POTEE: variants seen among roughly 807,000 people sequenced by gnomAD.
The protein encoded by POTEE is ANKRD26-like family C member 1A.
A neutral mutation model predicts 74.2 loss-of-function variants in POTEE; 21 were observed. The ratio of observed to expected loss-of-function variants is 0.28; its 90% CI spans 0.20 to 0.41. The LOEUF (loss-of-function observed/expected upper bound fraction) is 0.41. Ranked by LOEUF, POTEE falls within the 10% of genes least tolerant of loss-of-function variation. POTEE has a pLI of 1.00. For synonymous variants in POTEE, 211 were observed against 432.8 expected (o/e 0.49, Z 6.36); for missense variants, 525 against 1,158.6 (o/e 0.45, Z 7.94).
rs1701802719 is a variant in POTEE, at chr2:131,263,790, T to C, written c.2335T>C (p.Trp779Arg). 2 of 1,613,506 alleles carry C rather than the reference T, an allele frequency of 1.2e-6. No homozygotes were observed. The highest frequency in any genetic ancestry group is 2.7e-5 in the African/African-American group (2 of 74,858). Reference protein sequence around the residue: ...YPMEHGIITNWDDMEKIWHHT... With the variant: ...YPMEHGIITNRDDMEKIWHHT... ...CATGGAACACGGCATCATCACCAAC[T>C]GGGATGACATGGAGAAGATCTGGCA... Residue 779 changes from tryptophan (W) to arginine (R), a missense_variant, in exon 18 of 18, where the codon TGG becomes CGG. Coordinates refer to ENST00000683005, the MANE Select transcript of POTEE (RefSeq NM_001083538.3).
chr2:131,232,914 C>T (rs1701008873), intron 9 of POTEE, among the ~76,000 whole-genome samples: 1 of 151,924 alleles, frequency 6.6e-6, no homozygotes, highest in African/African-American at 2.4e-5. Context: ...CAAAGGGCTT[C>T]CTGTAACATT....
At chr2:131,230,600 A>G (rs1250004799) in intron 8 of POTEE, among the ~76,000 whole-genome samples, 2 of 152,130 alleles carry the variant, frequency 1.3e-5, no homozygotes, top group Non-Finnish European at 2.9e-5. Flanking sequence ...AATGCTAGCT[A>G]ATTTACTGGG....
At chr2:131,223,436 T>C (rs1700685197) in intron 4 of POTEE, among the ~76,000 whole-genome samples, 160 bp from the exon 5 acceptor site, 1 of 149,170 alleles carries the variant, frequency 6.7e-6, no homozygotes, top group Non-Finnish European at 1.5e-5. Flanking sequence ...CAGCGAGCAA[T>C]GAGAGATAAT....
At chr2:131,235,706 C>T (rs1177770899) in intron 9 of POTEE, among the ~76,000 whole-genome samples, 3 of 145,050 alleles carry the variant, frequency 2.1e-5, no homozygotes, top group African/African-American at 7.6e-5. Flanking sequence ...ACAGGAGAAT[C>T]GCTTGAACCA....
At chr2:131,214,014 TG>T (rs1475287926) in intron 2 of POTEE, among the ~76,000 whole-genome samples, 1 of 151,706 alleles carries the variant, frequency 6.6e-6, no homozygotes, top group Admixed American at 6.6e-5. Context: ...TTTCTTTTTC[TG>T]CTCAGTTGTC....
chr2:131,257,092 C>T, intron 16 of POTEE, among the ~76,000 whole-genome samples: 1 of 131,912 alleles, frequency 7.6e-6, no homozygotes, highest in South Asian at 2.9e-4. Flanking sequence ...TCTGGCCATC[C>T]CAACTTTCCC....
At chr2:131,243,789 AC>A (rs1437517960) in intron 12 of POTEE, among the ~76,000 whole-genome samples, 2 of 130,530 alleles carry the variant, frequency 1.5e-5, no homozygotes, top group African/African-American at 5.7e-5. Context: ...AATGGCATGA[AC>A]CCGGGAGGCG....
intron 12 of POTEE, among the ~76,000 whole-genome samples, chr2:131,240,129 TA>T (rs1701242280): frequency 7.0e-6 from 1 of 142,176 alleles, no homozygotes; most frequent in African/African-American, 2.6e-5. Flanking sequence ...GATATTTGTG[TA>T]GATTTGTTAC....
chr2:131,263,867 G>T lies in POTEE; in HGVS notation c.2412G>T (p.Leu804=). 3 of 1,614,146 alleles carry T rather than the reference G, an allele frequency of 1.9e-6. No homozygotes were observed. The highest frequency in any genetic ancestry group is 2.5e-6 in the Non-Finnish European group (3 of 1,180,020). The change falls in exon 18 of 18, where the codon CTG becomes CTT. Residue 804 remains leucine, a synonymous_variant. Coordinates refer to ENST00000683005, the MANE Select transcript of POTEE (RefSeq NM_001083538.3). ...TGGCTCCCGAGGAGCACCCCATCCTGCTGACCGAGGCCCCCCTGAACCCCA... is the reference window on the plus strand; with the variant it reads ...TGGCTCCCGAGGAGCACCCCATCCTTCTGACCGAGGCCCCCCTGAACCCCA... ...LRVAPEEHPI[L]LTEAPLNPKA...
At chr2:131,260,177 AT>A (rs1220004633) in intron 16 of POTEE, among the ~76,000 whole-genome samples, 3 of 148,496 alleles carry the variant, frequency 2.0e-5, no homozygotes, top group Non-Finnish European at 2.9e-5. Flanking sequence ...TGATCTATGT[AT>A]CTGTTTTTAT....
Position 131,263,835 on chromosome 2 carries a change from C to G in POTEE, c.2380C>G (p.Leu794Val). ...KIWHHTFYNE[L>V]RVAPEEHPIL... Reference sequence around the variant, plus strand: ...CTGGCACCACACCTTCTACAACGAGCTGCGTGTGGCTCCCGAGGAGCACCC... The same window carrying G: ...CTGGCACCACACCTTCTACAACGAGGTGCGTGTGGCTCCCGAGGAGCACCC... The change falls in exon 18 of 18, where the codon CTG becomes GTG. Residue 794 changes from leucine to valine, a missense_variant. Leu to Val is a conservative substitution (Grantham distance 32). Coordinates refer to ENST00000683005, the MANE Select transcript of POTEE (RefSeq NM_001083538.3). 2 of 1,614,160 alleles carry G rather than the reference C, an allele frequency of 1.2e-6. No homozygotes were observed. The highest frequency in any genetic ancestry group is 1.7e-6 in the Non-Finnish European group (2 of 1,180,038).
At chr2:131,232,635 A>G (rs1415492933) in intron 9 of POTEE, among the ~76,000 whole-genome samples, 2 of 149,394 alleles carry the variant, frequency 1.3e-5, no homozygotes, top group African/African-American at 5.1e-5. Context: ...GCCATGGGAA[A>G]TTTACCGGGT....
intron 16 of POTEE, among the ~76,000 whole-genome samples, chr2:131,260,040 GCTAT>G (rs1414528110): frequency 9.1e-6 from 1 of 109,872 alleles, no homozygotes; most frequent in Non-Finnish European, 1.8e-5. Context: ...TCCACATGTG[GCTAT>G]CTTTTTTTCC....
At chr2:131,211,540 G>GTGTGTGTGTGT (rs70994742) in intron 2 of POTEE, among the ~76,000 whole-genome samples, 29 of 65,430 alleles carry the variant, frequency 4.4e-4, no homozygotes, top group African/African-American at 7.3e-4. Context: ...GTGTGTGTGT[G>GTGTGTGTGTGT]GCTTTTTTTT....
At chr2:131,230,730 G>C in intron 8 of POTEE, 106 bp from the exon 9 acceptor site, 1 of 1,303,628 alleles carries the variant, frequency 7.7e-7, no homozygotes, top group South Asian at 1.4e-5. Context: ...ATTAAGTTCT[G>C]TTATTCTGAT....
Position 131,209,738 on chromosome 2 carries a change from C to A in POTEE, c.-426C>A, listed in dbSNP as rs1208828983. On this transcript the variant is annotated 5_prime_UTR_variant, in exon 1 of 18. Coordinates refer to ENST00000683005, the MANE Select transcript of POTEE (RefSeq NM_001083538.3). The stretch of plus-strand genomic sequence containing the variant: ...CGCATGCTGGAGGCTGGAGCCTGAG[C>A]CCCTGGGGCTCGCCTTGCTGTGTTT... 4.6e-4 allele frequency among the ~76,000 whole-genome samples: 70 copies of A among 152,356 alleles called. No individual in the cohort carries two copies. Among genetic ancestry groups the A allele is most frequent in the Non-Finnish European group, 8.5e-4 (58 of 68,032 alleles).
intron 17 of POTEE, among the ~76,000 whole-genome samples, chr2:131,262,812 T>C (rs1250945625): frequency 3.9e-5 from 6 of 152,294 alleles, no homozygotes; most frequent in South Asian, 2.1e-4. Context: ...TTCTTATAAC[T>C]GAGTATAGAA....
At chr2:131,256,696 C>T (rs1701581910) in intron 16 of POTEE, among the ~76,000 whole-genome samples, 1 of 134,336 alleles carries the variant, frequency 7.4e-6, no homozygotes, top group South Asian at 2.8e-4. Flanking sequence ...TTAAAATCCC[C>T]TTTCTAAGAA....
At chr2:131,232,037 C>T (rs2105093043) in intron 9 of POTEE, among the ~76,000 whole-genome samples, 1 of 151,844 alleles carries the variant, frequency 6.6e-6, no homozygotes, top group East Asian at 1.9e-4. Flanking sequence ...GAAAACATTT[C>T]TATTTATGTT....
Sources: allele counts gnomAD v4.1 joint callset (sites outside exome capture counted in the v4.1 genomes callset), GRCh38; gene constraint gnomAD v4.1.1; transcripts MANE v1.5; gene names NCBI Gene and HGNC (gene_info 2026-07-23, HGNC 2026-07-21).